Variants in KCNMA1 observed in about 807,000 individuals in gnomAD.
KCNMA1 encodes potassium calcium-activated channel subfamily M alpha 1.
In KCNMA1, 29 loss-of-function variants were observed where a neutral mutation model predicts 140.0. That is an observed-to-expected ratio of 0.21 (90% CI 0.15 to 0.28). The LOEUF (loss-of-function observed/expected upper bound fraction) is 0.28. KCNMA1 is among the 10% of genes least tolerant of loss of function. The pLI is 1.00. For missense variants in KCNMA1, 880 were observed against 1,602.2 expected, an observed-to-expected ratio of 0.55 and a Z score of 7.70; for synonymous variants, 612 against 611.9, an observed-to-expected ratio of 1.00 and a Z score of 0.00.
chr10:77,383,560 A>G (rs1014271878), intron 2 of KCNMA1, among the ~76,000 whole-genome samples: 2 of 152,152 alleles, frequency 1.3e-5, no homozygotes, highest in Non-Finnish European at 2.9e-5. Context: ...TCTAGAAAGC[A>G]TATTTTTTAA....
chr10:77,026,240 A>T (rs1426288517), intron 16 of KCNMA1, among the ~76,000 whole-genome samples: 1 of 152,192 alleles, frequency 6.6e-6, no homozygotes, highest in Non-Finnish European at 1.5e-5. Flanking sequence ...CTCAAGGTTC[A>T]GGGTGCAATC....
At chr10:77,091,426 C>T (rs2096814435) in intron 9 of KCNMA1, 1 of 152,244 alleles carries the variant, frequency 6.6e-6, no homozygotes, top group Admixed American at 6.5e-5. Context: ...CTGACTTTGG[C>T]ACCAGGCAAT....
At chr10:77,252,889 A>C (rs188588236) in intron 2 of KCNMA1, among the ~76,000 whole-genome samples, 106 of 152,206 alleles carry the variant, frequency 7.0e-4, no homozygotes, top group Admixed American at 1.8e-3. Flanking sequence ...TTAAAAAAAA[A>C]AACAACTAAA....
intron 2 of KCNMA1, among the ~76,000 whole-genome samples, chr10:77,302,416 G>C (rs561861): frequency 0.5 from 75,979 of 151,902 alleles, 19,913 homozygotes; most frequent in Non-Finnish European, 0.58. Context: ...CCACAGACTT[G>C]CAGCTGCCAA....
chr10:77,529,319 C>T (rs1340597687), intron 1 of KCNMA1, among the ~76,000 whole-genome samples: 1 of 151,970 alleles, frequency 6.6e-6, no homozygotes, highest in Non-Finnish European at 1.5e-5. Flanking sequence ...AGGAGTGCAG[C>T]CCCTGCCACC....
At chr10:76,984,179 C>T (rs1462826546) in intron 19 of KCNMA1, among the ~76,000 whole-genome samples, 1 of 146,632 alleles carries the variant, frequency 6.8e-6, no homozygotes, top group Non-Finnish European at 1.5e-5. Flanking sequence ...TAAAGCAACT[C>T]TTTTATTAGT....
exon 28 of KCNMA1, chr10:76,870,154 C>G (rs2030970858): frequency 1.3e-5 from 2 of 152,792 alleles, no homozygotes; most frequent in Admixed American, 1.3e-4. Flanking sequence ...AGCGAGCGCT[C>G]TGGGGCAGAT....
downstream of KCNMA1, among the ~76,000 whole-genome samples, chr10:76,883,267 G>A (rs1564682859): frequency 6.6e-6 from 1 of 152,066 alleles, no homozygotes; most frequent in Non-Finnish European, 1.5e-5. Context: ...AGAGGACAAG[G>A]GTAATATAGA....
chr10:76,878,874 G>A (rs377183167), intron 29 of KCNMA1, among the ~76,000 whole-genome samples: 1 of 152,102 alleles, frequency 6.6e-6, no homozygotes, highest in Non-Finnish European at 1.5e-5. Context: ...GAAAGGACTG[G>A]GCAAATAGGA....
chr10:77,458,127 C>T (rs1427622785), intron 1 of KCNMA1, among the ~76,000 whole-genome samples: 1 of 152,236 alleles, frequency 6.6e-6, no homozygotes, highest in East Asian at 1.9e-4. Context: ...AGTCTTGTAG[C>T]ATCAAAGAAA....
At chr10:77,188,079 A>G (rs2098894593) in intron 3 of KCNMA1, among the ~76,000 whole-genome samples, 1 of 152,214 alleles carries the variant, frequency 6.6e-6, no homozygotes, top group Non-Finnish European at 1.5e-5. Flanking sequence ...TGAAATACAA[A>G]CACCTCTCCC....
chr10:77,185,315 A>G (rs985963356), intron 3 of KCNMA1, among the ~76,000 whole-genome samples: 3 of 152,104 alleles, frequency 2.0e-5, no homozygotes, highest in African/African-American at 7.2e-5. Flanking sequence ...TACTAAAGCT[A>G]AAACACAGTT....
intron 2 of KCNMA1, among the ~76,000 whole-genome samples, chr10:77,300,445 G>T (rs2076264010): frequency 6.6e-6 from 1 of 152,168 alleles, no homozygotes; most frequent in African/African-American, 2.4e-5. Context: ...ACTAGGCAGA[G>T]TAATCCATAT....
chr10:77,536,986 G>A (rs913365302), intron 1 of KCNMA1, among the ~76,000 whole-genome samples: 2 of 152,166 alleles, frequency 1.3e-5, no homozygotes, highest in African/African-American at 4.8e-5. Flanking sequence ...GACCTTGTAT[G>A]GTGTCTGGGA....
At chr10:77,566,611 T>G (rs946133114) in intron 1 of KCNMA1, among the ~76,000 whole-genome samples, 2 of 152,190 alleles carry the variant, frequency 1.3e-5, no homozygotes, top group Non-Finnish European at 2.9e-5. Flanking sequence ...GCTGCTTCCC[T>G]TCCTGGGTAG....
At chr10:76,986,897 A>G (rs1014283866) in intron 19 of KCNMA1, among the ~76,000 whole-genome samples, 1 of 152,198 alleles carries the variant, frequency 6.6e-6, no homozygotes, top group Non-Finnish European at 1.5e-5. Flanking sequence ...ACAACGGAAC[A>G]AATGTGTTAC....
chr10:76,915,185 G>A, intron 23 of KCNMA1, 136 bp from the exon 24 acceptor site: 1 of 667,656 alleles, frequency 1.5e-6, no homozygotes, highest in Admixed American at 2.1e-5. Context: ...AGTATTCCCG[G>A]GATAAACTCT....
chr10:77,105,619 T>C (rs1211883134), intron 9 of KCNMA1, among the ~76,000 whole-genome samples: 1 of 152,212 alleles, frequency 6.6e-6, no homozygotes, highest in Non-Finnish European at 1.5e-5. Flanking sequence ...GCAGAGAACA[T>C]GTATGTGTGT....
chr10:77,307,547 C>T (rs563720564), intron 2 of KCNMA1, among the ~76,000 whole-genome samples: 79 of 152,240 alleles, frequency 5.2e-4, no homozygotes, highest in African/African-American at 1.9e-3. Context: ...TAAGGCTAGG[C>T]TAAGCCATGA....
Sources: allele counts gnomAD v4.1 joint callset (sites outside exome capture counted in the v4.1 genomes callset), GRCh38; gene constraint gnomAD v4.1.1; transcripts MANE v1.5; gene names NCBI Gene and HGNC (gene_info 2026-07-23, HGNC 2026-07-21).